SPHKAP: variants seen among roughly 807,000 people sequenced by gnomAD.
The protein encoded by SPHKAP is SPHK1 interactor, AKAP domain containing, also known as A-kinase anchor protein SPHKAP.
A neutral mutation model predicts 137.5 loss-of-function variants in SPHKAP; 67 were observed. The ratio of observed to expected loss-of-function variants is 0.49; its 90% CI spans 0.40 to 0.60. The LOEUF (loss-of-function observed/expected upper bound fraction) is 0.60, where lower values mean the gene tolerates loss of function less well. Ranked by LOEUF, SPHKAP falls within the 20% of genes least tolerant of loss-of-function variation. The pLI, the probability that SPHKAP is intolerant of heterozygous loss-of-function variation, is 0.00. For missense variants in SPHKAP, 2,097 were observed against 2,069.3 expected (o/e 1.01, Z -0.26); for synonymous variants, 813 against 785.3 (o/e 1.04, Z -0.59).
At chr2:228,092,448 ATATG>A (rs1284415294) in intron 3 of SPHKAP, among the ~76,000 whole-genome samples, 40 of 28,922 alleles carry the variant, frequency 1.4e-3, no homozygotes, top group Non-Finnish European at 2.3e-3. Flanking sequence ...TGTGCCATAT[ATATG>A]TATACATATA....
chr2:228,124,676 T>C (rs570272671), intron 2 of SPHKAP, among the ~76,000 whole-genome samples: 27 of 152,174 alleles, frequency 1.8e-4, no homozygotes, highest in Non-Finnish European at 3.7e-4. Context: ...GGCACATGTA[T>C]ACATATGTAA....
intron 7 of SPHKAP, among the ~76,000 whole-genome samples, chr2:228,009,097 A>G (rs1010670256): frequency 6.6e-6 from 1 of 152,180 alleles, no homozygotes; most frequent in African/African-American, 2.4e-5. Context: ...GAATCTTCCT[A>G]TTAACGAATA....
Position 228,047,433 on chromosome 2 carries a change from TC to T in SPHKAP, c.247-19891del, listed in dbSNP as rs1696102674. Among the ~76,000 whole-genome samples the T allele has an allele frequency of 2.1e-5, 3 of 145,370 alleles. No individual in the cohort carries two copies. In the South Asian group the frequency reaches 6.6e-4, roughly 32 times the overall value. ...GTGAGCCGAGATTGCACCATTGCAC[TC>T]CAGCCTGGGCAACAAGAGCAAAACT... On this transcript the variant is annotated intron_variant, in intron 3 of 11. Transcript: ENST00000392056.
At chr2:228,015,667 G>GAA (rs1324096667) in intron 7 of SPHKAP, among the ~76,000 whole-genome samples, 1 of 152,080 alleles carries the variant, frequency 6.6e-6, no homozygotes, top group Non-Finnish European at 1.5e-5. Context: ...TAATTTTCTG[G>GAA]AAAAAGCTGT....
At chr2:228,060,272 C>T (rs1476027014) in intron 3 of SPHKAP, among the ~76,000 whole-genome samples, 1 of 152,076 alleles carries the variant, frequency 6.6e-6, no homozygotes, top group African/African-American at 2.4e-5. Flanking sequence ...AATTATTAAA[C>T]ATAAAGCAAA....
At chr2:228,121,970 G>T (rs545619863) in intron 2 of SPHKAP, among the ~76,000 whole-genome samples, 1 of 152,200 alleles carries the variant, frequency 6.6e-6, no homozygotes, top group Non-Finnish European at 1.5e-5. Flanking sequence ...TACTATGCTG[G>T]GAACTTTTCT....
intron 3 of SPHKAP, among the ~76,000 whole-genome samples, chr2:228,034,247 A>G (rs1204798373): frequency 6.6e-6 from 1 of 152,216 alleles, no homozygotes; most frequent in African/African-American, 2.4e-5. Context: ...GAATACTACA[A>G]ACACCTCTAC....
intron 2 of SPHKAP, among the ~76,000 whole-genome samples, chr2:228,118,240 GTTTTT>G (rs71299665): frequency 8.1e-6 from 1 of 124,146 alleles, no homozygotes; most frequent in Non-Finnish European, 1.7e-5. Flanking sequence ...GAGATACACA[GTTTTT>G]TTTTTTTTTT....
At chr2:228,100,346 T>G (rs1698151122) in intron 3 of SPHKAP, among the ~76,000 whole-genome samples, 1 of 152,174 alleles carries the variant, frequency 6.6e-6, no homozygotes, top group Non-Finnish European at 1.5e-5. Context: ...GCCTGATTGC[T>G]TTGGCTAGGA....
intron 1 of SPHKAP, among the ~76,000 whole-genome samples, chr2:228,158,364 A>T (rs1700174428): frequency 8.5e-6 from 1 of 117,642 alleles, no homozygotes; most frequent in African/African-American, 3.3e-5. Context: ...ATGTGATTTT[A>T]CCCCTTACAA....
At chr2:228,159,153 C>G (rs549281416) in intron 1 of SPHKAP, among the ~76,000 whole-genome samples, 1 of 152,150 alleles carries the variant, frequency 6.6e-6, no homozygotes, top group Non-Finnish European at 1.5e-5. Flanking sequence ...CCAACTCAGA[C>G]ACTGTCCAGT....
At chr2:228,052,627 C>T (rs1183782875) in intron 3 of SPHKAP, among the ~76,000 whole-genome samples, 1 of 152,158 alleles carries the variant, frequency 6.6e-6, no homozygotes, top group African/African-American at 2.4e-5. Context: ...GAATGAGACT[C>T]TTTTCAAATA....
chr2:228,101,548 T>C (rs906046965), intron 3 of SPHKAP, among the ~76,000 whole-genome samples: 3 of 152,266 alleles, frequency 2.0e-5, no homozygotes, highest in Admixed American at 1.3e-4. Flanking sequence ...TGAATACTTA[T>C]CTGATGCTCA....
intron 7 of SPHKAP, among the ~76,000 whole-genome samples, chr2:227,998,784 CA>C (rs1336874866): frequency 6.6e-6 from 1 of 152,182 alleles, no homozygotes; most frequent in Admixed American, 6.5e-5. Context: ...CAGTTGCAGA[CA>C]CACTTGGGAA....
In SPHKAP at chr2:228,132,843, C is replaced by CAAAAA. The variant is rs1313392929; in HGVS notation, c.33-763_33-759dup. On this transcript the variant is annotated intron_variant, in intron 1 of 11. Transcript: ENST00000392056. ...TGAAACCCTGTTTCTACTAAAAATACAAAAAAAAAAATAAGCCAGGTGTGG... is the reference window on the plus strand; with the variant it reads ...TGAAACCCTGTTTCTACTAAAAATACAAAAAAAAAAAAAAAATAAGCCAGGTGTGG... Among the ~76,000 whole-genome samples the CAAAAA allele has an allele frequency of 2.1e-4, 26 of 126,264 alleles. 1 individual carries two copies. The highest frequency in any genetic ancestry group is 5.2e-4 in the East Asian group (2 of 3,872). 82.8% of individuals were successfully genotyped at this position (126,264 alleles called of 152,430 possible).
At chr2:228,005,387 T>G (rs1047075975) in intron 7 of SPHKAP, among the ~76,000 whole-genome samples, 2 of 152,224 alleles carry the variant, frequency 1.3e-5, no homozygotes, top group Non-Finnish European at 2.9e-5. Flanking sequence ...TGCCTTTTTT[T>G]GTTTTCCATT....
intron 3 of SPHKAP, among the ~76,000 whole-genome samples, chr2:228,042,924 G>A (rs942649591): frequency 2.0e-5 from 3 of 152,088 alleles, no homozygotes; most frequent in Non-Finnish European, 4.4e-5. Context: ...ATATAAATGG[G>A]TGCCAGCATT....
At chr2:228,093,298 A>G (rs1697865402) in intron 3 of SPHKAP, among the ~76,000 whole-genome samples, 1 of 152,202 alleles carries the variant, frequency 6.6e-6, no homozygotes, top group Admixed American at 6.5e-5. Flanking sequence ...ACCAAAGAAT[A>G]ATAAAATTAT....
chr2:228,111,720 A>T (rs927920615), intron 2 of SPHKAP, among the ~76,000 whole-genome samples: 1 of 152,104 alleles, frequency 6.6e-6, no homozygotes, highest in Non-Finnish European at 1.5e-5. Context: ...ACAAATCTTT[A>T]CAGAAATTTT....
Sources: allele counts gnomAD v4.1 joint callset (sites outside exome capture counted in the v4.1 genomes callset), GRCh38; gene constraint gnomAD v4.1.1; transcripts MANE v1.5; gene names NCBI Gene and HGNC (gene_info 2026-07-23, HGNC 2026-07-21).